The following XKR6 variants were observed in gnomAD, a reference collection of about 807,000 sequenced individuals.
The protein encoded by XKR6 is XK-related protein 6.
In XKR6, 22 loss-of-function variants were observed where a neutral mutation model predicts 56.7. The ratio of observed to expected loss-of-function variants is 0.39; its 90% confidence interval spans 0.28 to 0.55. XKR6 has a LOEUF of 0.55. XKR6 is among the 20% of genes least tolerant of loss of function. The pLI, the probability that XKR6 is intolerant of heterozygous loss-of-function variation, is 0.66. For synonymous variants in XKR6, 524 were observed against 387.8 expected (o/e 1.35, Z -4.13); for missense variants, 852 against 889.0 (o/e 0.96, Z 0.53).
intron 1 of XKR6, among the ~76,000 whole-genome samples, chr8:11,126,852 A>G: frequency 6.6e-6 from 1 of 152,182 alleles, no homozygotes; most frequent in Non-Finnish European, 1.5e-5. Context: ...CCCCACAAAC[A>G]AGTCATGTTG....
At chr8:11,142,269 AG>A (rs1372724609) in intron 1 of XKR6, among the ~76,000 whole-genome samples, 1 of 152,176 alleles carries the variant, frequency 6.6e-6, no homozygotes, top group Non-Finnish European at 1.5e-5. Context: ...GGCTGATTCT[AG>A]GCCTGGGCAA....
At chr8:11,134,456 A>C (rs1188287322) in intron 1 of XKR6, among the ~76,000 whole-genome samples, 2 of 152,192 alleles carry the variant, frequency 1.3e-5, no homozygotes, top group African/African-American at 4.8e-5. Flanking sequence ...CTCCAAGTGG[A>C]AACACTGCAC....
At chr8:11,049,131 C>T (rs913170196) in intron 1 of XKR6, among the ~76,000 whole-genome samples, 3 of 152,210 alleles carry the variant, frequency 2.0e-5, no homozygotes, top group Non-Finnish European at 4.4e-5. Flanking sequence ...TTCTGGGTTG[C>T]TCAGGAGCCC....
chr8:11,062,391 T>C (rs929916889), intron 1 of XKR6, among the ~76,000 whole-genome samples: 11 of 152,218 alleles, frequency 7.2e-5, no homozygotes, highest in African/African-American at 2.4e-4. Flanking sequence ...TTGATGCCTT[T>C]ATTTGTATGT....
intron 2 of XKR6, among the ~76,000 whole-genome samples, chr8:10,919,502 A>G (rs80260212): frequency 0.015 from 2,276 of 152,298 alleles, 61 homozygotes; most frequent in African/African-American, 0.05. Flanking sequence ...CCTGGGTAAC[A>G]CATCTTTGTT....
intron 1 of XKR6, among the ~76,000 whole-genome samples, chr8:10,997,984 ACT>A (rs550005091): frequency 1.5e-3 from 234 of 152,234 alleles, no homozygotes; most frequent in Middle Eastern, 3.4e-3. Flanking sequence ...TTCTAACCCC[ACT>A]CTGTATTTTA....
At chr8:10,994,489 G>A (rs74414275) in intron 1 of XKR6, among the ~76,000 whole-genome samples, 6,489 of 152,308 alleles carry the variant, frequency 0.043, 447 homozygotes, top group African/African-American at 0.15. Flanking sequence ...GAAGGGCAGA[G>A]GTGGGCTCTG....
intron 1 of XKR6, among the ~76,000 whole-genome samples, chr8:11,162,977 A>G (rs1193556030): frequency 2.0e-5 from 3 of 152,242 alleles, no homozygotes; most frequent in Admixed American, 6.5e-5. Flanking sequence ...GCCTGCAAAA[A>G]TGTCACTTAC....
intron 1 of XKR6, among the ~76,000 whole-genome samples, chr8:11,016,721 G>A (rs1171849302): frequency 1.3e-5 from 2 of 152,200 alleles, no homozygotes; most frequent in African/African-American, 4.8e-5. Context: ...GCACTGGGGA[G>A]CGTCCTGGCC....
At chr8:11,189,066 TTTTC>T (rs953049953) in intron 1 of XKR6, among the ~76,000 whole-genome samples, 1 of 152,174 alleles carries the variant, frequency 6.6e-6, no homozygotes, top group African/African-American at 2.4e-5. Context: ...GGTAGGCCAT[TTTTC>T]TTCTCTGCTC....
chr8:11,155,802 G>A (rs78906258), intron 1 of XKR6, among the ~76,000 whole-genome samples: 6,980 of 152,148 alleles, frequency 0.046, 237 homozygotes, highest in Non-Finnish European at 0.071. Context: ...GATCTTACTC[G>A]AAATGCAAAC....
intron 1 of XKR6, among the ~76,000 whole-genome samples, chr8:11,154,444 T>C (rs1187443936): frequency 6.6e-6 from 1 of 152,256 alleles, no homozygotes; most frequent in Non-Finnish European, 1.5e-5. Flanking sequence ...CTTCCCAGAC[T>C]CTGCCCCATG....
At chr8:10,964,265 C>A (rs527851009) in intron 1 of XKR6, among the ~76,000 whole-genome samples, 3 of 152,102 alleles carry the variant, frequency 2.0e-5, no homozygotes, top group African/African-American at 7.2e-5. Context: ...AACCCAATAC[C>A]CCCACGCTTC....
rs561588767 is a variant in XKR6 at position 10,955,850 on chromosome 8, C to T, written c.765-31020G>A. Among the ~76,000 whole-genome samples the T allele has an allele frequency of 2.6e-5, 4 of 152,370 alleles. No individual in the cohort carries two copies. In the East Asian group the frequency reaches 7.7e-4, roughly 29 times the overall value. On this transcript the variant is annotated intron_variant, in intron 1 of 2. Coordinates refer to ENST00000416569, the MANE Select transcript of XKR6 (RefSeq NM_173683.4). ...ACACTGGACACTTCCTTTTCCCATG[C>T]AGCCCTGGGTATTTATTTCAATGTC...
chr8:10,931,423 G>A (rs1045874401), intron 1 of XKR6, among the ~76,000 whole-genome samples: 5 of 151,968 alleles, frequency 3.3e-5, no homozygotes, highest in Admixed American at 6.5e-5. Flanking sequence ...ATACAGACAA[G>A]CCAATTCTAA....
At chr8:10,989,183 T>A (rs959497864) in intron 1 of XKR6, among the ~76,000 whole-genome samples, 5 of 152,232 alleles carry the variant, frequency 3.3e-5, no homozygotes, top group South Asian at 2.1e-4. Context: ...AATATTCAGG[T>A]AAGTCTAGTC....
At chr8:10,958,767 C>A (rs965573546) in intron 1 of XKR6, among the ~76,000 whole-genome samples, 3 of 152,170 alleles carry the variant, frequency 2.0e-5, no homozygotes, top group Admixed American at 6.5e-5. Context: ...TACAGAGAAA[C>A]GATGGGCTCA....
chr8:11,059,552 CG>C (rs1586489680), intron 1 of XKR6, among the ~76,000 whole-genome samples: 1 of 151,958 alleles, frequency 6.6e-6, no homozygotes, highest in Non-Finnish European at 1.5e-5. Context: ...GCCCGGCGAG[CG>C]ACAAGAGCTC....
At chr8:11,132,204 C>T (rs529313105) in intron 1 of XKR6, among the ~76,000 whole-genome samples, 2 of 152,192 alleles carry the variant, frequency 1.3e-5, no homozygotes, top group Admixed American at 1.3e-4. Context: ...ATCAAGTAAT[C>T]AGTTGTCTTT....
Sources: allele counts gnomAD v4.1 joint callset (sites outside exome capture counted in the v4.1 genomes callset), GRCh38; gene constraint gnomAD v4.1.1; transcripts MANE v1.5; gene names NCBI Gene and HGNC (gene_info 2026-07-23, HGNC 2026-07-21).